Variants in DOK6 observed in about 807,000 individuals in gnomAD.
The protein encoded by DOK6 is downstream of tyrosine kinase 6.
DOK6 carries 22 observed loss-of-function variants against 44.0 expected under a neutral mutation model. The observed-to-expected ratio is 0.50, with a 90% confidence interval of 0.36 to 0.71. DOK6 has a LOEUF of 0.71. Ranked by LOEUF, DOK6 falls within the 30% of genes least tolerant of loss-of-function variation. The pLI, the probability that DOK6 is intolerant of heterozygous loss-of-function variation, is 0.00. For missense variants in DOK6, 340 were observed against 416.4 expected, an observed-to-expected ratio of 0.82 and a Z score of 1.60; for synonymous variants, 166 against 145.5, an observed-to-expected ratio of 1.14 and a Z score of -1.01.
At chr18:69,688,765 A>T (rs144450870) in intron 4 of DOK6, among the ~76,000 whole-genome samples, 8 of 152,234 alleles carry the variant, frequency 5.3e-5, no homozygotes, top group African/African-American at 1.7e-4. Flanking sequence ...CAAATGATCC[A>T]CCCACCTCAA....
intron 4 of DOK6, among the ~76,000 whole-genome samples, chr18:69,696,248 G>A (rs1986386961): frequency 6.6e-6 from 1 of 152,126 alleles, no homozygotes; most frequent in African/African-American, 2.4e-5. Context: ...AAACATTTCA[G>A]TGAAAATGTG....
chr18:69,844,716 A>G lies in DOK6; in HGVS notation c.*3333A>G, dbSNP rs1982309512. ...TGCCACAATTTGAAATCAATAAAAT[A>G]AGAAATATATATTTATATATGAGGG... On this transcript the variant is annotated 3_prime_UTR_variant, in exon 8 of 8. Coordinates refer to ENST00000382713, the MANE Select transcript of DOK6 (RefSeq NM_152721.6). 6.6e-6 allele frequency: 1 copy of G among 152,232 alleles called. No homozygotes were observed. Among genetic ancestry groups the G allele is most frequent in the Non-Finnish European group, 1.5e-5 (1 of 68,046 alleles). The allele number at this position is 152,232 out of a possible 1,614,324, so 9.4% of individuals were successfully genotyped here.
At chr18:69,727,828 G>A (rs559674914) in intron 5 of DOK6, among the ~76,000 whole-genome samples, 10 of 152,150 alleles carry the variant, frequency 6.6e-5, no homozygotes, top group Non-Finnish European at 1.3e-4. Context: ...CTGGGAAGGG[G>A]ATAATTATAG....
At chr18:69,592,304 C>T (rs1260133730) in intron 2 of DOK6, among the ~76,000 whole-genome samples, 3 of 151,130 alleles carry the variant, frequency 2.0e-5, no homozygotes, top group African/African-American at 7.3e-5. Context: ...GCAGAACCCA[C>T]AAATTAAAAT....
At chr18:69,759,486 G>A (rs948400310) in intron 7 of DOK6, among the ~76,000 whole-genome samples, 2 of 152,074 alleles carry the variant, frequency 1.3e-5, no homozygotes, top group African/African-American at 2.4e-5. Context: ...GTGGGAATAG[G>A]TCAGAAGTAG....
chr18:69,718,663 C>G (rs1404482627), intron 5 of DOK6, among the ~76,000 whole-genome samples: 1 of 152,116 alleles, frequency 6.6e-6, no homozygotes, highest in Non-Finnish European at 1.5e-5. Flanking sequence ...AGCTTTACCT[C>G]TCATGAATAG....
chr18:69,807,759 G>A (rs373897081), intron 7 of DOK6, among the ~76,000 whole-genome samples: 51 of 151,770 alleles, frequency 3.4e-4, no homozygotes, highest in African/African-American at 1.2e-3. Context: ...GTAAACATAT[G>A]TGCACCCCAA....
intron 1 of DOK6, among the ~76,000 whole-genome samples, chr18:69,402,131 G>A (rs577332566): frequency 6.6e-6 from 1 of 152,244 alleles, no homozygotes; most frequent in African/African-American, 2.4e-5. Context: ...GAGAGAGGAT[G>A]GAGGGATGGG....
intron 6 of DOK6, among the ~76,000 whole-genome samples, chr18:69,745,146 A>C (rs1978943404): frequency 6.6e-6 from 1 of 152,170 alleles, no homozygotes; most frequent in African/African-American, 2.4e-5. Flanking sequence ...TCACTTCAGA[A>C]AATGCATTTC....
At chr18:69,681,272 T>C (rs924343668) in intron 4 of DOK6, among the ~76,000 whole-genome samples, 2 of 152,222 alleles carry the variant, frequency 1.3e-5, no homozygotes, top group African/African-American at 4.8e-5. Flanking sequence ...GCTTAGTCTT[T>C]ACCACAGCAA....
At position 69,708,194 on chromosome 18, in the gene DOK6, T is replaced by A. The variant is rs142257525; in HGVS notation, c.599+9601T>A. Among the ~76,000 whole-genome samples the A allele has an allele frequency of 9.1e-3, 1,386 of 152,326 alleles. 18 individuals are homozygous for A. Among genetic ancestry groups the A allele is most frequent in the African/African-American group, 0.031 (1,297 of 41,564 alleles). On this transcript the variant is annotated intron_variant, in intron 5 of 7. Transcript: ENST00000382713. ...TGTAGCAAGTAAACAGATTTAAATT[T>A]TAGATATGTCTATCTGGTGACTCTG...
chr18:69,595,845 A>T (rs955428894), intron 2 of DOK6, among the ~76,000 whole-genome samples: 1 of 152,036 alleles, frequency 6.6e-6, no homozygotes, highest in Non-Finnish European at 1.5e-5. Flanking sequence ...CCTTTCAAAG[A>T]CCCCTCATAT....
intron 5 of DOK6, among the ~76,000 whole-genome samples, chr18:69,706,755 T>C (rs1442467354): frequency 6.9e-6 from 1 of 145,466 alleles, no homozygotes; most frequent in African/African-American, 2.5e-5. Flanking sequence ...CATTGTTCAA[T>C]TCCCACCTAT....
At chr18:69,489,099 C>A (rs2144538019) in intron 1 of DOK6, among the ~76,000 whole-genome samples, 1 of 152,282 alleles carries the variant, frequency 6.6e-6, no homozygotes, top group South Asian at 2.1e-4. Flanking sequence ...CACGGCTGAA[C>A]TCAGAAACAC....
intron 3 of DOK6, among the ~76,000 whole-genome samples, chr18:69,675,832 C>G (rs1985909380): frequency 6.6e-6 from 1 of 152,110 alleles, no homozygotes; most frequent in Admixed American, 6.5e-5. Flanking sequence ...ACTTATATAT[C>G]TAATAAAAGT....
chr18:69,631,995 T>C (rs1189592479), intron 3 of DOK6, among the ~76,000 whole-genome samples: 1 of 152,226 alleles, frequency 6.6e-6, no homozygotes, highest in East Asian at 1.9e-4. Flanking sequence ...CAAATATTCA[T>C]ATATTTTCTT....
chr18:69,841,625 G>T lies in DOK6; in HGVS notation c.*242G>T. On this transcript the variant is annotated 3_prime_UTR_variant, in exon 8 of 8. Coordinates refer to ENST00000382713, the MANE Select transcript of DOK6 (RefSeq NM_152721.6). ...TACATAAATAGAATCCAAATCGTAT[G>T]AACAGTTATTTAAATAAACAAAATT... The T allele has an allele frequency of 2.1e-6, 1 of 484,412 alleles. No individual in the cohort carries two copies. Among genetic ancestry groups the T allele is most frequent in the Non-Finnish European group, 3.5e-6 (1 of 285,448 alleles). The allele number at this position is 484,412 out of a possible 1,614,324, so 30.0% of individuals were successfully genotyped here.
chr18:69,538,273 G>A (rs983143372), intron 1 of DOK6, among the ~76,000 whole-genome samples: 3 of 152,126 alleles, frequency 2.0e-5, no homozygotes, highest in African/African-American at 4.8e-5. Flanking sequence ...TAGGGAGACC[G>A]CTTGAGGTCT....
chr18:69,671,455 GA>G (rs1307454657), intron 3 of DOK6, among the ~76,000 whole-genome samples: 10 of 152,110 alleles, frequency 6.6e-5, no homozygotes, highest in African/African-American at 2.2e-4. Flanking sequence ...TATCTATATA[GA>G]AAATAAAAAT....
Sources: gnomAD v4.1 joint callset for allele counts (sites outside exome capture counted in the v4.1 genomes callset) on GRCh38, gnomAD v4.1.1 for gene constraint, MANE v1.5 for transcripts, NCBI Gene and HGNC (gene_info 2026-07-23, HGNC 2026-07-21) for gene names.